ERBB4: variants seen among roughly 807,000 people sequenced by gnomAD.
ERBB4 encodes receptor tyrosine-protein kinase erbB-4.
In ERBB4, 42 loss-of-function variants were observed where a neutral mutation model predicts 158.0. The ratio of observed to expected loss-of-function variants is 0.27; its 90% CI spans 0.21 to 0.34. ERBB4 has a LOEUF of 0.34. Among genes scored for constraint, ERBB4 ranks in the 10% least tolerant of loss-of-function variants. ERBB4 has a pLI of 1.00. For missense variants in ERBB4, 1,333 were observed against 1,624.1 expected, an observed-to-expected ratio of 0.82 and a Z score of 3.08; for synonymous variants, 583 against 558.7, an observed-to-expected ratio of 1.04 and a Z score of -0.61.
At chr2:212,412,405 C>T (rs1340418512) in intron 1 of ERBB4, among the ~76,000 whole-genome samples, 1 of 152,092 alleles carries the variant, frequency 6.6e-6, no homozygotes, top group Admixed American at 6.5e-5. Context: ...TCTCAAGATC[C>T]TAAAGTATGT....
At chr2:211,946,492 A>G (rs2080694939) in intron 3 of ERBB4, among the ~76,000 whole-genome samples, 1 of 150,622 alleles carries the variant, frequency 6.6e-6, no homozygotes, top group African/African-American at 2.4e-5. Context: ...TGCAAAATAT[A>G]TAGATTATTT....
chr2:212,150,955 C>T (rs2080847359), intron 1 of ERBB4, among the ~76,000 whole-genome samples: 1 of 152,058 alleles, frequency 6.6e-6, no homozygotes, highest in Non-Finnish European at 1.5e-5. Flanking sequence ...TAATACTGGC[C>T]ATAACCCTAA....
intron 4 of ERBB4, among the ~76,000 whole-genome samples, chr2:211,773,371 T>G (rs2075765108): frequency 6.6e-6 from 1 of 151,510 alleles, no homozygotes; most frequent in Non-Finnish European, 1.5e-5. Flanking sequence ...TTACTTTTTA[T>G]GTACTTATTA....
chr2:211,945,043 A>T (rs548253918), intron 3 of ERBB4, among the ~76,000 whole-genome samples: 2 of 152,294 alleles, frequency 1.3e-5, no homozygotes, highest in East Asian at 3.9e-4. Flanking sequence ...TGCTTTGTAT[A>T]ACACAAAAGC....
At chr2:211,893,152 T>C (rs2079012823) in intron 3 of ERBB4, among the ~76,000 whole-genome samples, 1 of 145,642 alleles carries the variant, frequency 6.9e-6, no homozygotes, top group Non-Finnish European at 1.5e-5. Context: ...TTACCTGACT[T>C]CAAACTATAC....
At chr2:211,568,676 T>C (rs767015973) in intron 19 of ERBB4, among the ~76,000 whole-genome samples, 2 of 151,966 alleles carry the variant, frequency 1.3e-5, no homozygotes, top group Non-Finnish European at 1.5e-5. Flanking sequence ...TAGGGAAGAT[T>C]AAAAGAGAGA....
intron 25 of ERBB4, among the ~76,000 whole-genome samples, chr2:211,412,374 G>A (rs926086490): frequency 2.6e-5 from 4 of 152,132 alleles, no homozygotes; most frequent in African/African-American, 9.7e-5. Flanking sequence ...TTTCAGATCT[G>A]CTCATCTGCT....
chr2:212,381,234 G>C (rs1407796792), intron 1 of ERBB4, among the ~76,000 whole-genome samples: 1 of 151,156 alleles, frequency 6.6e-6, no homozygotes, highest in East Asian at 1.9e-4. Context: ...AATTAGATGA[G>C]TCAGTTCAAA....
chr2:212,164,353 T>A (rs2081287362), intron 1 of ERBB4, among the ~76,000 whole-genome samples: 1 of 152,070 alleles, frequency 6.6e-6, no homozygotes, highest in Non-Finnish European at 1.5e-5. Context: ...TTAGACATAT[T>A]TAATCCAAGT....
chr2:212,122,815 A>G (rs528608805), intron 2 of ERBB4, among the ~76,000 whole-genome samples: 2 of 152,020 alleles, frequency 1.3e-5, no homozygotes, highest in South Asian at 4.1e-4. Flanking sequence ...ATTATTTAAT[A>G]TAATGACTGT....
chr2:211,844,032 A>G (rs972389153), intron 3 of ERBB4, among the ~76,000 whole-genome samples: 4 of 152,066 alleles, frequency 2.6e-5, no homozygotes, highest in Admixed American at 6.6e-5. Flanking sequence ...TGTTTATTCT[A>G]TCTACACTGC....
At chr2:211,824,993 C>A (rs2077068421) in intron 3 of ERBB4, among the ~76,000 whole-genome samples, 1 of 151,750 alleles carries the variant, frequency 6.6e-6, no homozygotes. Context: ...TCTAGTAATA[C>A]TGTTGGAAAG....
chr2:211,676,416 C>A (rs1159746099), intron 13 of ERBB4, among the ~76,000 whole-genome samples: 1 of 152,144 alleles, frequency 6.6e-6, no homozygotes, highest in African/African-American at 2.4e-5. Context: ...AGTGTTTCCT[C>A]AGGAAACCTG....
At chr2:212,477,420 TA>T (rs1689459700) in intron 1 of ERBB4, among the ~76,000 whole-genome samples, 1 of 152,170 alleles carries the variant, frequency 6.6e-6, no homozygotes, top group Non-Finnish European at 1.5e-5. Context: ...ACATGGACGA[TA>T]AATGTGCAGT....
intron 1 of ERBB4, among the ~76,000 whole-genome samples, chr2:212,224,575 G>A (rs1301614937): frequency 6.6e-6 from 1 of 151,924 alleles, no homozygotes; most frequent in Non-Finnish European, 1.5e-5. Context: ...ACAAGAAAAG[G>A]AGGAGATATA....
At chr2:211,900,683 C>T (rs2125030541) in intron 3 of ERBB4, among the ~76,000 whole-genome samples, 1 of 152,228 alleles carries the variant, frequency 6.6e-6, no homozygotes. Flanking sequence ...TAGCAAGTTA[C>T]TAAGGCTCTA....
intron 1 of ERBB4, among the ~76,000 whole-genome samples, chr2:212,448,395 G>T (rs2092395158): frequency 6.6e-6 from 1 of 152,096 alleles, no homozygotes; most frequent in African/African-American, 2.4e-5. Flanking sequence ...CCTTACATTT[G>T]CTAATCGCAC....
At chr2:211,601,631 A>C (rs1463423428) in intron 19 of ERBB4, among the ~76,000 whole-genome samples, 1 of 152,220 alleles carries the variant, frequency 6.6e-6, no homozygotes, top group Non-Finnish European at 1.5e-5. Context: ...GCAATACTGG[A>C]AGCTAGAATA....
At chr2:211,712,347 A>G (rs2073732720) in intron 8 of ERBB4, among the ~76,000 whole-genome samples, 171 bp from the exon 9 acceptor site, 1 of 152,144 alleles carries the variant, frequency 6.6e-6, no homozygotes, top group African/African-American at 2.4e-5. Context: ...AACATTCACT[A>G]CTGGTTCTGC....
Sources: gnomAD v4.1 joint callset for allele counts (sites outside exome capture counted in the v4.1 genomes callset) on GRCh38, gnomAD v4.1.1 for gene constraint, MANE v1.5 for transcripts, NCBI Gene and HGNC (gene_info 2026-07-23, HGNC 2026-07-21) for gene names.